Variants in TRAPPC9 observed in about 807,000 individuals in gnomAD.
TRAPPC9 encodes trafficking protein particle complex subunit 9, also known as IKK2 binding protein.
Under a neutral mutation model 124.0 loss-of-function variants are expected in TRAPPC9, and 83 were observed. That is an observed-to-expected ratio of 0.67 (90% CI 0.56 to 0.80). The LOEUF (loss-of-function observed/expected upper bound fraction) is 0.80. TRAPPC9 is among the 30% of genes least tolerant of loss of function. The pLI, the probability that TRAPPC9 is intolerant of heterozygous loss-of-function variation, is 0.00. For missense variants in TRAPPC9, 1,302 were observed against 1,508.3 expected (o/e 0.86, Z 2.27); for synonymous variants, 638 against 617.5 (o/e 1.03, Z -0.49).
intron 2 of TRAPPC9, among the ~76,000 whole-genome samples, chr8:140,440,507 A>G (rs972171963): frequency 6.6e-6 from 1 of 151,912 alleles, no homozygotes; most frequent in Non-Finnish European, 1.5e-5. Flanking sequence ...ACTCCCAAAA[A>G]AAAAAGAAAA....
chr8:140,314,962 G>A (rs1206783593), intron 9 of TRAPPC9, among the ~76,000 whole-genome samples: 1 of 152,166 alleles, frequency 6.6e-6, no homozygotes, highest in Admixed American at 6.5e-5. Flanking sequence ...CTCAGTAGCG[G>A]AATGGAAGAT....
intron 21 of TRAPPC9, among the ~76,000 whole-genome samples, chr8:139,789,830 A>G (rs1385369853): frequency 6.6e-6 from 1 of 152,152 alleles, no homozygotes; most frequent in Non-Finnish European, 1.5e-5. Flanking sequence ...CTTACTGAGC[A>G]GAGACCTCAA....
chr8:139,879,660 TG>T (rs145941247), intron 21 of TRAPPC9, among the ~76,000 whole-genome samples: 76 of 152,324 alleles, frequency 5.0e-4, no homozygotes, highest in African/African-American at 1.6e-3. Flanking sequence ...TCCCCTGTGT[TG>T]GCCCTGCTGT....
intron 17 of TRAPPC9, chr8:140,098,690 T>G (rs945177499): frequency 4.7e-5 from 7 of 148,078 alleles, no homozygotes; most frequent in African/African-American, 1.8e-4. Context: ...GCCTCCTCCC[T>G]CCTCTCATCC....
chr8:140,080,160 CA>C (rs377482384), intron 17 of TRAPPC9, among the ~76,000 whole-genome samples: 1 of 152,274 alleles, frequency 6.6e-6, no homozygotes, highest in African/African-American at 2.4e-5. Flanking sequence ...TCATAGAAGG[CA>C]CATACATGGT....
chr8:140,201,850 C>T (rs974712961), intron 17 of TRAPPC9, among the ~76,000 whole-genome samples: 1 of 152,156 alleles, frequency 6.6e-6, no homozygotes, highest in Non-Finnish European at 1.5e-5. Context: ...CTTGGCACAG[C>T]ACACAGCAGC....
chr8:140,072,341 G>T lies in TRAPPC9; in HGVS notation c.2557-48262C>A, dbSNP rs180703834. Among the ~76,000 whole-genome samples, 283 of 152,266 alleles carry T rather than the reference G, an allele frequency of 1.9e-3. 1 individual carries two copies. The highest frequency in any genetic ancestry group is 0.013 in the Admixed American group (200 of 15,294). On this transcript the variant is annotated intron_variant, in intron 17 of 22. Transcript: ENST00000438773. ...AAGTCAGGAGTTCAAGACCATCCTGGCTAACACGGTGAAACCCTGTCTCTA... is the reference window on the plus strand; with the variant it reads ...AAGTCAGGAGTTCAAGACCATCCTGTCTAACACGGTGAAACCCTGTCTCTA...
chr8:139,939,074 G>A (rs1006272052), intron 19 of TRAPPC9, among the ~76,000 whole-genome samples: 3 of 152,194 alleles, frequency 2.0e-5, no homozygotes, highest in Non-Finnish European at 4.4e-5. Context: ...TTCTCCAGGC[G>A]ACAGGCACCA....
intron 18 of TRAPPC9, among the ~76,000 whole-genome samples, chr8:140,011,139 A>C (rs1046509394): frequency 2.6e-5 from 4 of 152,122 alleles, no homozygotes; most frequent in Non-Finnish European, 5.9e-5. Context: ...CAGGAGTTCA[A>C]GACCGGCCTG....
At chr8:140,060,349 GT>G (rs1842527089) in intron 17 of TRAPPC9, among the ~76,000 whole-genome samples, 1 of 152,196 alleles carries the variant, frequency 6.6e-6, no homozygotes, top group Non-Finnish European at 1.5e-5. Context: ...GCCTGCAGGA[GT>G]TTCACTCTCC....
chr8:140,318,299 G>A (rs1490440247), intron 9 of TRAPPC9, among the ~76,000 whole-genome samples: 1 of 152,152 alleles, frequency 6.6e-6, no homozygotes, highest in Non-Finnish European at 1.5e-5. Flanking sequence ...AAAGTGTTAT[G>A]ATTTTTAATA....
intron 9 of TRAPPC9, among the ~76,000 whole-genome samples, chr8:140,324,927 G>A (rs770818091): frequency 2.3e-4 from 35 of 151,368 alleles, no homozygotes; most frequent in African/African-American, 5.1e-4. Context: ...AAGTACTCAC[G>A]GAAAATCCAC....
At chr8:140,350,362 AC>A in intron 9 of TRAPPC9, among the ~76,000 whole-genome samples, 1 of 152,146 alleles carries the variant, frequency 6.6e-6, no homozygotes, top group Non-Finnish European at 1.5e-5. Context: ...ACCAGTGGCC[AC>A]CCCAGGCAAG....
At chr8:140,388,349 C>A (rs1402944214) in intron 7 of TRAPPC9, among the ~76,000 whole-genome samples, 3 of 148,730 alleles carry the variant, frequency 2.0e-5, no homozygotes, top group African/African-American at 5.0e-5. Context: ...GCACGTTGTG[C>A]ACATGTACCC....
chr8:140,243,068 A>G (rs866511502), intron 16 of TRAPPC9, among the ~76,000 whole-genome samples: 1 of 152,226 alleles, frequency 6.6e-6, no homozygotes, highest in Non-Finnish European at 1.5e-5. Flanking sequence ...AACCCCCCAG[A>G]GAATGGGTCA....
Position 139,957,256 on chromosome 8 carries a change from C to T in TRAPPC9, c.2810+31470G>A, listed in dbSNP as rs1327921842. Among the ~76,000 whole-genome samples, 5 of 152,216 alleles carry T rather than the reference C, an allele frequency of 3.3e-5. No individual in the cohort carries two copies. In the South Asian group the frequency reaches 6.2e-4, roughly 19 times the overall value. Reference sequence around the variant, plus strand: ...AGGGTGCCATGAGCAGGGAGGGCCGCGTACCTGCCCTGCAGCCTTGGGGGA... The same window carrying T: ...AGGGTGCCATGAGCAGGGAGGGCCGTGTACCTGCCCTGCAGCCTTGGGGGA... On this transcript the variant is annotated intron_variant, in intron 19 of 22. Transcript: ENST00000438773.
chr8:140,391,107 T>G (rs551473831), intron 7 of TRAPPC9, among the ~76,000 whole-genome samples: 3 of 152,298 alleles, frequency 2.0e-5, no homozygotes, highest in Non-Finnish European at 4.4e-5. Context: ...CATCAAAAAT[T>G]TTAAAGAGGC....
intron 18 of TRAPPC9, among the ~76,000 whole-genome samples, chr8:140,017,671 G>C (rs1248509307): frequency 6.6e-6 from 1 of 151,952 alleles, no homozygotes; most frequent in Non-Finnish European, 1.5e-5. Flanking sequence ...CTCCAACTTT[G>C]TTCTTTTTTG....
At chr8:139,940,021 G>GT (rs111303371) in intron 19 of TRAPPC9, among the ~76,000 whole-genome samples, 1,989 of 152,308 alleles carry the variant, frequency 0.013, 45 homozygotes, top group African/African-American at 0.045. Flanking sequence ...TCAATTTGTT[G>GT]TTTCTTTTTT....
Sources: gnomAD v4.1 joint callset for allele counts (sites outside exome capture counted in the v4.1 genomes callset) on GRCh38, gnomAD v4.1.1 for gene constraint, MANE v1.5 for transcripts, NCBI Gene and HGNC (gene_info 2026-07-23, HGNC 2026-07-21) for gene names.